The following KLK2 variants were observed in gnomAD, a reference collection of about 807,000 sequenced individuals.
The protein encoded by KLK2 is kallikrein-2.
In KLK2, 17 loss-of-function variants were observed where a neutral mutation model predicts 23.0. That is an observed-to-expected ratio of 0.74 (90% CI 0.51 to 1.11). The LOEUF (loss-of-function observed/expected upper bound fraction) is 1.11. Among genes scored for constraint, KLK2 ranks in the 50% least tolerant of loss-of-function variants. The probability of loss-of-function intolerance (pLI) is 0.00; values close to 1 mark genes in which losing one functional copy is unlikely to be tolerated. For synonymous variants in KLK2, 140 were observed against 124.7 expected (o/e 1.12, Z -0.82); for missense variants, 330 against 325.9 (o/e 1.01, Z -0.10).
At chr19:50,875,055 CTGCCTGGGTTTCTCT>C in intron 2 of KLK2, 175 bp downstream of exon 2, 1 of 1,267,790 alleles carries the variant, frequency 7.9e-7, no homozygotes, top group Non-Finnish European at 1.0e-6. Flanking sequence ...CTCCCCATGG[CTGCCTGGGTTTCTCT>C]CTGTGTCTGA....
intron 1 of KLK2, chr19:50,873,737 C>T (rs1600010407): frequency 1.9e-6 from 1 of 533,186 alleles, no homozygotes; most frequent in East Asian, 3.3e-5. Context: ...CCAGCCAAAT[C>T]CCTGCTCCCA....
In KLK2 at chr19:50,879,353, C is replaced by T. The variant is rs767846240; in HGVS notation, c.*794C>T. 4.3e-6 allele frequency: 1 copy of T among 232,426 alleles called. No homozygotes were observed. Among genetic ancestry groups the T allele is most frequent in the Non-Finnish European group, 8.5e-6 (1 of 117,656 alleles). The allele number at this position is 232,426 out of a possible 1,614,324, so 14.4% of individuals were successfully genotyped here. A position where few individuals can be genotyped will look rare whatever the true frequency, so the allele number is the denominator to read the frequency against. On this transcript the variant is annotated 3_prime_UTR_variant, in exon 5 of 5. Coordinates refer to ENST00000325321, the MANE Select transcript of KLK2 (RefSeq NM_005551.5). ...GCAGTTACGAAGACTGGCAACTTGG[C>T]TTTACTAAGTTTTCAGACTGGCAGG...
At position 50,876,588 on chromosome 19, in the gene KLK2, A is replaced by C. The variant is rs1304932268; in HGVS notation, c.323A>C (p.His108Pro). The change falls in exon 3 of 5, where the codon CAT (histidine) becomes CCT (proline). Residue 108 changes from histidine to proline, a missense_variant. Coordinates refer to ENST00000325321, the MANE Select transcript of KLK2 (RefSeq NM_005551.5). ...CTCTACAATATGAGCCTTCTGAAGC[A>C]TCAAAGCCTTAGACCAGATGAAGAC... ...HPLYNMSLLK[H>P]QSLRPDEDSS... 24 of 1,614,074 alleles carry C rather than the reference A, an allele frequency of 1.5e-5. No homozygotes were observed. Among genetic ancestry groups the C allele is most frequent in the Non-Finnish European group, 2.0e-5 (24 of 1,180,042 alleles).
At chr19:50,874,926 A>G (rs754882340) in intron 2 of KLK2, 46 bp downstream of exon 2, 7 of 1,592,704 alleles carry the variant, frequency 4.4e-6, no homozygotes, top group East Asian at 2.3e-5. Flanking sequence ...TGTGTCCCAC[A>G]GGAATAACAG....
At chr19:50,876,217 T>C (rs1287535761) in intron 2 of KLK2, 3 of 551,266 alleles carry the variant, frequency 5.4e-6, no homozygotes, top group Non-Finnish European at 9.7e-6. Flanking sequence ...TCCCTTCTGT[T>C]TTTGTCATTC....
chr19:50,876,439 C>T (rs755948679), intron 2 of KLK2, 33 bp from the exon 3 acceptor site: 1 of 1,605,880 alleles, frequency 6.2e-7, no homozygotes, highest in Non-Finnish European at 8.5e-7. Context: ...CCCATTTTCT[C>T]TCTCCTCATG....
rs553876525 is a variant in KLK2, at chr19:50,879,754, T to C, written c.*1195T>C. ...AGGGATTCATCACAAATCCCATCTT[T>C]AGCATGAAGGGTCTGGCATGGCCCA... On this transcript the variant is annotated 3_prime_UTR_variant, in exon 5 of 5. Transcript: ENST00000325321. 1 of 229,298 alleles carries C rather than the reference T, an allele frequency of 4.4e-6. No homozygotes were observed. The highest frequency in any genetic ancestry group is 8.6e-6 in the Non-Finnish European group (1 of 115,624). The allele number at this position is 229,298 out of a possible 1,614,324, so 14.2% of individuals were successfully genotyped here.
At chr19:50,875,606 C>G (rs1312710604) in intron 2 of KLK2, 1 of 152,320 alleles carries the variant, frequency 6.6e-6, no homozygotes, top group Admixed American at 6.5e-5. Context: ...TGAAACCAGC[C>G]TGGCCAACAT....
chr19:50,875,035 C>T, intron 2 of KLK2, 155 bp downstream of exon 2: 8 of 1,364,000 alleles, frequency 5.9e-6, no homozygotes, highest in Non-Finnish European at 7.6e-6. Flanking sequence ...AGAGCTGGGG[C>T]TGGACCACTC....
At position 50,878,731 on chromosome 19, in the gene KLK2, G is replaced by GA. The variant is rs2090314941; in HGVS notation, c.*176dup. 1.7e-6 allele frequency: 1 copy of GA among 577,606 alleles called. No individual in the cohort carries two copies. Among genetic ancestry groups the GA allele is most frequent in the Non-Finnish European group, 3.1e-6 (1 of 325,052 alleles). The allele number at this position is 577,606 out of a possible 1,614,324, so 35.8% of individuals were successfully genotyped here. On this transcript the variant is annotated 3_prime_UTR_variant, in exon 5 of 5. Transcript: ENST00000325321. ...CTGGTGTGGAGTCCAGGGCTGCTAGGAAAAGGAATGGGCAGACACAGGTGT... is the reference window on the plus strand; with the variant it reads ...CTGGTGTGGAGTCCAGGGCTGCTAGGAAAAAGGAATGGGCAGACACAGGTGT...
intron 4 of KLK2, chr19:50,877,423 G>T (rs1311924840): frequency 8.5e-6 from 2 of 233,934 alleles, no homozygotes; most frequent in East Asian, 2.1e-4. Context: ...GGGAGGAGGG[G>T]TGGGGAGTGT....
rs778953465 is a variant in KLK2, at chr19:50,877,094, A to G, written c.630+86A>G. 1.5e-5 allele frequency: 23 copies of G among 1,572,558 alleles called. No homozygotes were observed. In the African/African-American group the frequency reaches 3.1e-4, roughly 21 times the overall value. ...GCTGCAATCTGAAAGCTAACCAGACATCTGCCTCCCCTGCTCCCCAGCTAT... is the reference window on the plus strand; with the variant it reads ...GCTGCAATCTGAAAGCTAACCAGACGTCTGCCTCCCCTGCTCCCCAGCTAT... On this transcript the variant is annotated intron_variant, in intron 4 of 4. Coordinates refer to ENST00000325321, the MANE Select transcript of KLK2 (RefSeq NM_005551.5).
intron 1 of KLK2, chr19:50,873,788 TTC>T (rs1236590053): frequency 4.3e-5 from 22 of 516,048 alleles, no homozygotes; most frequent in Admixed American, 1.4e-4. Flanking sequence ...ATCTCTGTGT[TTC>T]TCTTTATGGG....
chr19:50,876,268 TCA>T (rs1431807099), intron 2 of KLK2: 6 of 591,894 alleles, frequency 1.0e-5, no homozygotes, highest in Admixed American at 9.1e-5. Flanking sequence ...TTCGTTTCTT[TCA>T]GTTTCTGTCT....
At position 50,876,455 on chromosome 19, in the gene KLK2, A is replaced by AC; in HGVS notation, c.207-12dup. 1 of 1,608,428 alleles carries AC rather than the reference A, an allele frequency of 6.2e-7. No homozygotes were observed. Among genetic ancestry groups the AC allele is most frequent in the Non-Finnish European group, 8.5e-7 (1 of 1,178,096 alleles). On this transcript the variant is annotated splice_polypyrimidine_tract_variant and intron_variant, in intron 2 of 4. Transcript: ENST00000325321. Reference sequence around the variant, plus strand: ...CCATTTTCTCTCTCCTCATGCATCCACCCCCTTCCTCCCCAGGAATAGCCA... The same window carrying AC: ...CCATTTTCTCTCTCCTCATGCATCCACCCCCCTTCCTCCCCAGGAATAGCCA...
intron 2 of KLK2, 149 bp downstream of exon 2, chr19:50,875,029 C>G: frequency 5.7e-6 from 8 of 1,392,500 alleles, no homozygotes; most frequent in Non-Finnish European, 7.5e-6. Context: ...GGAGGCAGAG[C>G]TGGGGCTGGA....
At position 50,877,006 on chromosome 19, in the gene KLK2, G is replaced by A. The variant is rs886573877; in HGVS notation, c.628G>A (p.Gly210Arg). The A allele has an allele frequency of 6.2e-7, 1 of 1,614,084 alleles. No individual in the cohort carries two copies. Among genetic ancestry groups the A allele is most frequent in the African/African-American group, 1.3e-5 (1 of 75,032 alleles). Residue 210 changes from glycine to arginine, a missense_variant and splice_region_variant, in exon 4 of 5, where the codon GGG becomes AGG. Gly to Arg is a moderately radical substitution (Grantham distance 125). Coordinates refer to ENST00000325321, the MANE Select transcript of KLK2 (RefSeq NM_005551.5). The part of the protein sequence containing the change: ...GLWTGGKDTC[G>R]GDSGGPLVCN... ...CTGGACAGGTGGTAAAGACACTTGT[G>A]GGGTGAGTCATCCCTACTCCCAACA...
chr19:50,874,762 G>T lies in KLK2; in HGVS notation c.88G>T (p.Glu30Ter). 6.2e-7 allele frequency: 1 copy of T among 1,613,208 alleles called. No individual in the cohort carries two copies. Among genetic ancestry groups the T allele is most frequent in the Non-Finnish European group, 8.5e-7 (1 of 1,179,872 alleles). The change falls in exon 2 of 5, where the codon GAG becomes TAG. Residue 30 changes from glutamate (E) to a stop codon, truncating the protein, a stop_gained. Transcript: ENST00000325321. LOFTEE classifies it high-confidence loss of function. Reference protein sequence around the residue: ...LIQSRIVGGWECEKHSQPWQV... With the variant: ...LIQSRIVGGW ...CCAGTCTCGGATTGTGGGAGGCTGG[G>T]AGTGTGAGAAGCATTCCCAACCCTG... is the stretch of plus-strand genomic sequence containing the variant.
chr19:50,876,081 C>T (rs1256311693), intron 2 of KLK2: 2 of 234,520 alleles, frequency 8.5e-6, no homozygotes, highest in Non-Finnish European at 1.7e-5. Flanking sequence ...TCTGACTTCC[C>T]GCATCCTTTT....
Sources: allele counts gnomAD v4.1 joint callset, GRCh38; gene constraint gnomAD v4.1.1; transcripts MANE v1.5; gene names NCBI Gene and HGNC (gene_info 2026-07-23, HGNC 2026-07-21).